The following MYOM2 variants were observed in gnomAD, a reference collection of about 807,000 sequenced individuals.
MYOM2 encodes the protein myomesin-2.
MYOM2 carries 254 observed loss-of-function variants against 187.6 expected under a neutral mutation model. That is an observed-to-expected ratio of 1.35 (90% CI 1.22 to 1.50). The LOEUF is 1.50. Ranked by LOEUF, MYOM2 falls within the 40% of genes most tolerant of loss-of-function variation. The pLI is 0.00. For synonymous variants in MYOM2, 981 were observed against 753.8 expected (o/e 1.30, Z -4.94); for missense variants, 2,796 against 1,924.0 (o/e 1.45, Z -8.48).
intron 16 of MYOM2, among the ~76,000 whole-genome samples, chr8:2,093,532 T>G (rs897762907): frequency 6.6e-6 from 1 of 152,204 alleles, no homozygotes; most frequent in South Asian, 2.1e-4. Flanking sequence ...GGAGGTTGAT[T>G]AAGACCATAA....
chr8:2,085,092 G>A (rs973559789), intron 13 of MYOM2, 171 bp from the exon 14 acceptor site: 2 of 686,002 alleles, frequency 2.9e-6, no homozygotes, highest in African/African-American at 3.6e-5. Flanking sequence ...ATCTTTATTG[G>A]TGCCTTATCC....
chr8:2,055,019 GTACCTGGATACTGGGGAACC>G lies in MYOM2; in HGVS notation c.264-2328_264-2309del, dbSNP rs1375932593. ...AAGTACCTGGATACTGGGGAACCAA[GTACCTGGATACTGGGGAACC>G]AAGTACCTGGATACTGGGGGAACGA... On this transcript the variant is annotated intron_variant, in intron 3 of 36. Transcript: ENST00000262113. Among the ~76,000 whole-genome samples, 3 of 96,620 alleles carry G rather than the reference GTACCTGGATACTGGGGAACC, an allele frequency of 3.1e-5. 1 individual carries two copies. Among genetic ancestry groups the G allele is most frequent in the African/African-American group, 9.5e-5 (3 of 31,608 alleles). The allele number at this position is 96,620 out of a possible 152,430, so 63.4% of individuals were successfully genotyped here.
rs1430199071 is a variant in MYOM2 at position 2,076,265 on chromosome 8, G to A, written c.1245G>A (p.Met415Ile). The change falls in exon 11 of 37, where the codon ATG becomes ATA. Residue 415 changes from methionine (M) to isoleucine (I), a missense_variant. Coordinates refer to ENST00000262113, the MANE Select transcript of MYOM2 (RefSeq NM_003970.4). ...ACACCACCACTGAGAGCCCCGTCAT[G>A]GGCTATTTTGTGGACCGGTGAGCGT... ...PPNTTTESPV[M>I]GYFVDRCEVG... The A allele has an allele frequency of 6.2e-7, 1 of 1,613,598 alleles. No individual in the cohort carries two copies. Among genetic ancestry groups the A allele is most frequent in the East Asian group, 2.2e-5 (1 of 44,882 alleles).
chr8:2,127,643 CG>C, intron 31 of MYOM2: 1 of 143,096 alleles, frequency 7.0e-6, no homozygotes, highest in Non-Finnish European at 1.5e-5. Flanking sequence ...GTGACGCAGC[CG>C]CAGGCAGGCA....
At chr8:2,073,957 C>T (rs1325451893) in intron 10 of MYOM2, among the ~76,000 whole-genome samples, 1 of 152,136 alleles carries the variant, frequency 6.6e-6, no homozygotes, top group Non-Finnish European at 1.5e-5. Flanking sequence ...ACAGCCAGTG[C>T]TGTGACCTCC....
chr8:2,085,037 T>A, intron 13 of MYOM2: 1 of 513,506 alleles, frequency 1.9e-6, no homozygotes. Context: ...ATTCCTTTCC[T>A]ATGAACAGGC....
intron 13 of MYOM2, among the ~76,000 whole-genome samples, chr8:2,084,747 C>G (rs1380523009): frequency 6.6e-6 from 1 of 152,182 alleles, no homozygotes; most frequent in Non-Finnish European, 1.5e-5. Flanking sequence ...GAATATGGTA[C>G]TGAGCTTTTG....
In MYOM2 at chr8:2,100,462, C is replaced by T. The variant is rs117332305; in HGVS notation, c.2441-414C>T. 311 of 181,096 alleles carry T rather than the reference C, an allele frequency of 1.7e-3. 1 individual carries two copies. Among genetic ancestry groups the T allele is most frequent in the African/African-American group, 6.6e-3 (281 of 42,788 alleles). The allele number at this position is 181,096 out of a possible 1,614,324, so 11.2% of individuals were successfully genotyped here. ...TGCCCTCAGAGTTGCCGCGGGTGTT[C>T]GTAGAGGACAGGGCTGCAGTGATGT... On this transcript the variant is annotated intron_variant, in intron 19 of 36. Coordinates refer to ENST00000262113, the MANE Select transcript of MYOM2 (RefSeq NM_003970.4).
chr8:2,109,722 A>G (rs1797008071), intron 25 of MYOM2, among the ~76,000 whole-genome samples, 191 bp downstream of exon 25: 1 of 152,212 alleles, frequency 6.6e-6, no homozygotes, highest in Non-Finnish European at 1.5e-5. Context: ...GGTCTGGGTT[A>G]CAGGAGACAT....
At chr8:2,125,865 C>G (rs776525646) in intron 31 of MYOM2, among the ~76,000 whole-genome samples, 1 of 151,866 alleles carries the variant, frequency 6.6e-6, no homozygotes, top group Non-Finnish European at 1.5e-5. Flanking sequence ...GCCCGCCCAC[C>G]GAGGCCTCCC....
Position 2,085,361 on chromosome 8 carries a change from A to T in MYOM2, c.1615A>T (p.Lys539Ter). Residue 539 changes from lysine (K) to a stop codon, truncating the protein, a stop_gained, in exon 14 of 37, where the codon AAG becomes TAG. Transcript: ENST00000262113. LOFTEE classifies it high-confidence loss of function. ...CTGGGAGCCACCCACTCCCCGTGGC[A>T]AGGACCCGCTCATGTACTTCATTGA... ...LSWEPPTPRGKDPLMYFIEKS... is the reference protein window; with the variant it reads ...LSWEPPTPRG 6.2e-7 allele frequency: 1 copy of T among 1,613,434 alleles called. No individual in the cohort carries two copies. The highest frequency in any genetic ancestry group is 1.3e-5 in the African/African-American group (1 of 74,792).
At chr8:2,069,785 A>T (rs1226906023) in intron 8 of MYOM2, among the ~76,000 whole-genome samples, 2 of 152,158 alleles carry the variant, frequency 1.3e-5, no homozygotes, top group African/African-American at 4.8e-5. Flanking sequence ...ATGTAATTCT[A>T]TGGCTAGGTG....
At chr8:2,132,581 T>C (rs926754043) in intron 32 of MYOM2, among the ~76,000 whole-genome samples, 4 of 144,910 alleles carry the variant, frequency 2.8e-5, no homozygotes, top group African/African-American at 8.2e-5. Context: ...CAGTCTCTCT[T>C]TCTCTCTCTC....
In MYOM2 at chr8:2,103,185, G is replaced by A. The variant is rs146521304; in HGVS notation, c.2734+404G>A. Among the ~76,000 whole-genome samples, 1,314 of 151,950 alleles carry A rather than the reference G, an allele frequency of 8.6e-3. 9 individuals carry two copies. Among genetic ancestry groups the A allele is most frequent in the Non-Finnish European group, 0.012 (822 of 67,946 alleles). ...GCATGTATTGTGTGTATGGATGGAC[G>A]GGTGTGTGGATAAATGAGTGGGAGA... On this transcript the variant is annotated intron_variant, in intron 21 of 36. Transcript: ENST00000262113.
chr8:2,115,876 G>T, intron 25 of MYOM2, 84 bp from the exon 26 acceptor site: 2 of 1,441,198 alleles, frequency 1.4e-6, no homozygotes, highest in East Asian at 2.3e-5. Flanking sequence ...AGATCTCATG[G>T]CTGATGCAAT....
At position 2,072,260 on chromosome 8, in the gene MYOM2, G is replaced by T. The variant is rs1819251489; in HGVS notation, c.794-85G>T. ...CCCCCCGCCCCCAAAAAAGAAAGAT[G>T]CTCTCTGCCCTTCGGCCATGAAAGC... On this transcript the variant is annotated intron_variant, in intron 8 of 36. Transcript: ENST00000262113. 13 of 921,074 alleles carry T rather than the reference G, an allele frequency of 1.4e-5. No homozygotes were observed. The Middle Eastern group carries it at 2.9e-3, about 207-fold the overall frequency. The allele number at this position is 921,074 out of a possible 1,614,324, so 57.1% of individuals were successfully genotyped here.
chr8:2,144,999 G>C lies in MYOM2; in HGVS notation c.*18G>C, dbSNP rs753713060. Reference sequence around the variant, plus strand: ...GCCAGTGAAGGCGTTTTCCTAGCCTGGAGATGGGAAAATATGCTTGGCAGA... The same window carrying C: ...GCCAGTGAAGGCGTTTTCCTAGCCTCGAGATGGGAAAATATGCTTGGCAGA... On this transcript the variant is annotated 3_prime_UTR_variant, in exon 37 of 37. Transcript: ENST00000262113. 5.6e-6 allele frequency: 9 copies of C among 1,609,852 alleles called. No homozygotes were observed. The highest frequency in any genetic ancestry group is 7.6e-6 in the Non-Finnish European group (9 of 1,178,930).
At chr8:2,120,167 A>G (rs570364387) in intron 28 of MYOM2, among the ~76,000 whole-genome samples, 1 of 152,246 alleles carries the variant, frequency 6.6e-6, no homozygotes, top group South Asian at 2.1e-4. Flanking sequence ...CCAGTGACCT[A>G]GTGTGAGTCA....
At position 2,086,447 on chromosome 8, in the gene MYOM2, T is replaced by A. The variant is rs1046465638; in HGVS notation, c.1644+1057T>A. 2.3e-4 allele frequency among the ~76,000 whole-genome samples: 33 copies of A among 140,784 alleles called. 2 individuals carry two copies. Among genetic ancestry groups the A allele is most frequent in the Admixed American group, 7.0e-4 (10 of 14,290 alleles). The allele number at this position is 140,784 out of a possible 152,430, so 92.4% of individuals were successfully genotyped here. ...TTGTGATCTCTGCGTGGCCCCCTAC[T>A]GTCGTGATCTCCACGTGGCCACACA... On this transcript the variant is annotated intron_variant, in intron 14 of 36. Transcript: ENST00000262113.
Sources: gnomAD v4.1 joint callset for allele counts (sites outside exome capture counted in the v4.1 genomes callset) on GRCh38, gnomAD v4.1.1 for gene constraint, MANE v1.5 for transcripts, NCBI Gene and HGNC (gene_info 2026-07-23, HGNC 2026-07-21) for gene names.